ABCG2: variants seen among roughly 807,000 people sequenced by gnomAD.
ABCG2 encodes the protein broad substrate specificity ATP-binding cassette transporter ABCG2.
In ABCG2, 80 loss-of-function variants were observed where a neutral mutation model predicts 73.5. The ratio of observed to expected loss-of-function variants is 1.09; its 90% CI spans 0.91 to 1.31. The LOEUF (loss-of-function observed/expected upper bound fraction) is 1.31, where lower values mean the gene tolerates loss of function less well. Among genes scored for constraint, ABCG2 ranks in the 50% most tolerant of loss-of-function variants. ABCG2 has a pLI of 0.00. For synonymous variants in ABCG2, 269 were observed against 282.4 expected (o/e 0.95, Z 0.48); for missense variants, 796 against 786.2 (o/e 1.01, Z -0.15).
intron 1 of ABCG2, among the ~76,000 whole-genome samples, chr4:88,224,438 CAAAAACA>C (rs3061241): frequency 6.6e-6 from 1 of 150,544 alleles, no homozygotes; most frequent in African/African-American, 2.4e-5. Flanking sequence ...GACCCTGTCT[CAAAAACA>C]AAAAACAAAA....
At chr4:88,188,877 G>T (rs773799942) in intron 1 of ABCG2, among the ~76,000 whole-genome samples, 19 of 152,118 alleles carry the variant, frequency 1.2e-4, no homozygotes, top group Non-Finnish European at 2.2e-4. Context: ...GCTGGTCTTG[G>T]TGGTGCACGC....
intron 1 of ABCG2, among the ~76,000 whole-genome samples, chr4:88,155,733 C>T (rs529629491): frequency 1.8e-3 from 278 of 151,808 alleles, no homozygotes; most frequent in African/African-American, 6.5e-3. Context: ...GGCAAAACCT[C>T]GTCTTTACTA....
intron 6 of ABCG2, 56 bp from the exon 7 acceptor site, chr4:88,118,316 C>T: frequency 6.4e-7 from 1 of 1,561,376 alleles, no homozygotes; most frequent in Non-Finnish European, 8.8e-7. Context: ...TTGTATTTCT[C>T]AGTAAAATAC....
chr4:88,201,502 C>T (rs989457845), intron 1 of ABCG2, among the ~76,000 whole-genome samples: 1 of 152,278 alleles, frequency 6.6e-6, no homozygotes, highest in South Asian at 2.1e-4. Context: ...AATTAATAAA[C>T]TTCCAAAACA....
At chr4:88,201,866 C>T (rs1280856137) in intron 1 of ABCG2, 1 of 152,164 alleles carries the variant, frequency 6.6e-6, no homozygotes, top group African/African-American at 2.4e-5. Flanking sequence ...AGCCTACACT[C>T]AAAACCTGCA....
intron 1 of ABCG2, among the ~76,000 whole-genome samples, chr4:88,167,598 C>T (rs1046053507): frequency 6.6e-6 from 1 of 152,114 alleles, no homozygotes; most frequent in African/African-American, 2.4e-5. Flanking sequence ...TGGTTTCGAA[C>T]TCCTGACCTC....
chr4:88,141,214 T>A (rs1280558406), intron 1 of ABCG2, among the ~76,000 whole-genome samples: 1 of 152,144 alleles, frequency 6.6e-6, no homozygotes, highest in Non-Finnish European at 1.5e-5. Context: ...GTTGAAGAGT[T>A]CTGTCTGATA....
chr4:88,158,245 T>A (rs137939067), intron 1 of ABCG2, 141 bp downstream of exon 1: 2 of 322,574 alleles, frequency 6.2e-6, no homozygotes, highest in Non-Finnish European at 1.2e-5. Context: ...GCATACCCAC[T>A]TTCAAATGAA....
upstream of ABCG2, among the ~76,000 whole-genome samples, chr4:88,231,609 T>C (rs1730467059): frequency 6.6e-6 from 1 of 152,114 alleles, no homozygotes; most frequent in African/African-American, 2.4e-5. Context: ...TTCCTGTGCT[T>C]TTTTAACCCT....
At chr4:88,162,492 T>C (rs529991095), upstream of ABCG2, among the ~76,000 whole-genome samples, 17 of 152,164 alleles carry the variant, frequency 1.1e-4, no homozygotes, top group Non-Finnish European at 2.2e-4. Context: ...ATAGGTCGGT[T>C]TATTTGCTAA....
rs1459540290 is a variant in ABCG2, at chr4:88,224,518, G to T, written c.-20+6476C>A. On this transcript the variant is annotated intron_variant, in intron 1 of 15. Transcript: ENST00000515655. The stretch of plus-strand genomic sequence containing the variant: ...TTTGTTTGTTTTTTTTTGAAACAGG[G>T]TCTCTCTCTGTTGCCCAGGCTGGAA... 2.0e-5 allele frequency among the ~76,000 whole-genome samples: 3 copies of T among 151,792 alleles called. No individual in the cohort carries two copies. In the East Asian group the frequency reaches 5.8e-4, roughly 29 times the overall value.
intron 7 of ABCG2, 121 bp from the exon 8 acceptor site, chr4:88,115,179 C>T (rs893792313): frequency 1.7e-6 from 1 of 577,930 alleles, no homozygotes; most frequent in Non-Finnish European, 3.0e-6. Context: ...TTTTCCTTAA[C>T]TTTCTTTCTC....
chr4:88,106,629 G>A (rs1427739519), intron 10 of ABCG2, among the ~76,000 whole-genome samples: 1 of 152,220 alleles, frequency 6.6e-6, no homozygotes, highest in Non-Finnish European at 1.5e-5. Flanking sequence ...GAGATGGGAA[G>A]TTATTGCTTA....
intron 7 of ABCG2, 125 bp from the exon 8 acceptor site, chr4:88,115,183 C>A: frequency 1.7e-6 from 1 of 572,280 alleles, no homozygotes; most frequent in Non-Finnish European, 3.1e-6. Context: ...CCTTAACTTT[C>A]TTTCTCTCTT....
Position 88,113,331 on chromosome 4 carries a change from A to G in ABCG2, c.1166T>C (p.Leu389Pro), listed in dbSNP as rs1239649265. 1 of 1,614,216 alleles carries G rather than the reference A, an allele frequency of 6.2e-7. No homozygotes were observed. The highest frequency in any genetic ancestry group is 1.7e-5 in the Admixed American group (1 of 60,026). ...AGCTATAGAGGCCTGGGGATTACCC[A>G]GCAAGTTTTTGAATGAACGCTTGGA... is the stretch of plus-strand genomic sequence containing the variant. ...WVSKRSFKNLLGNPQASIAQI... is the reference protein window; with the variant it reads ...WVSKRSFKNLPGNPQASIAQI... The change falls in exon 9 of 16, where the codon CTG (leucine) becomes CCG (proline). Residue 389 changes from leucine to proline, a missense_variant. Leu to Pro is a moderately conservative substitution (Grantham distance 98, BLOSUM62 -3). Coordinates refer to ENST00000237612, the MANE Select transcript of ABCG2 (RefSeq NM_004827.3).
At chr4:88,206,887 C>G (rs1180971494) in intron 1 of ABCG2, among the ~76,000 whole-genome samples, 1 of 152,132 alleles carries the variant, frequency 6.6e-6, no homozygotes, top group Non-Finnish European at 1.5e-5. Flanking sequence ...CTTTAGCTAA[C>G]AGAAAAGTTC....
chr4:88,177,455 TATAAAC>T (rs1218797215), intron 1 of ABCG2, among the ~76,000 whole-genome samples: 6 of 152,166 alleles, frequency 3.9e-5, no homozygotes, highest in Non-Finnish European at 8.8e-5. Context: ...ATTGAAATAT[TATAAAC>T]ATAAATATTT....
At chr4:88,160,076 C>T (rs952666307), upstream of ABCG2, among the ~76,000 whole-genome samples, 6 of 151,880 alleles carry the variant, frequency 4.0e-5, no homozygotes, top group African/African-American at 1.5e-4. Flanking sequence ...AACCCTGCCT[C>T]TACTAAAAAT....
intron 1 of ABCG2, among the ~76,000 whole-genome samples, chr4:88,214,982 T>C (rs993431020): frequency 1.3e-5 from 2 of 151,710 alleles, no homozygotes; most frequent in African/African-American, 4.8e-5. Flanking sequence ...GTCCCAGCTA[T>C]ATGGGAGGCT....
Sources: allele counts gnomAD v4.1 joint callset (sites outside exome capture counted in the v4.1 genomes callset), GRCh38; gene constraint gnomAD v4.1.1; transcripts MANE v1.5; gene names NCBI Gene and HGNC (gene_info 2026-07-23, HGNC 2026-07-21).